The following CFAP61 variants were observed in gnomAD, a reference collection of about 807,000 sequenced individuals.
CFAP61 encodes cilia- and flagella-associated protein 61.
A neutral mutation model predicts 135.6 loss-of-function variants in CFAP61; 107 were observed. That is an observed-to-expected ratio of 0.79 (90% CI 0.67 to 0.93). The LOEUF (loss-of-function observed/expected upper bound fraction) is 0.93, where lower values mean the gene tolerates loss of function less well. Among genes scored for constraint, CFAP61 ranks in the 40% least tolerant of loss-of-function variants. CFAP61 has a pLI of 0.00. For synonymous variants in CFAP61, 575 were observed against 578.5 expected (o/e 0.99, Z 0.09); for missense variants, 1,507 against 1,556.2 (o/e 0.97, Z 0.53).
intron 13 of CFAP61, among the ~76,000 whole-genome samples, chr20:20,177,623 A>C (rs2054732228): frequency 6.6e-6 from 1 of 151,494 alleles, no homozygotes; most frequent in South Asian, 2.1e-4. Flanking sequence ...GCTTTATCCC[A>C]GGTGCTGGGG....
intron 2 of CFAP61, among the ~76,000 whole-genome samples, chr20:20,062,736 C>T (rs979561487): frequency 5.3e-5 from 8 of 152,188 alleles, no homozygotes; most frequent in African/African-American, 1.2e-4. Context: ...CTAAATCCCT[C>T]GTGACTAGTT....
At chr20:20,188,936 G>A (rs1218675320) in intron 14 of CFAP61, among the ~76,000 whole-genome samples, 1 of 152,082 alleles carries the variant, frequency 6.6e-6, no homozygotes, top group Non-Finnish European at 1.5e-5. Context: ...GCCTGTTTTT[G>A]AACTCTACAT....
chr20:20,157,013 A>G (rs1215033393), intron 9 of CFAP61, among the ~76,000 whole-genome samples: 1 of 152,198 alleles, frequency 6.6e-6, no homozygotes, highest in East Asian at 1.9e-4. Context: ...ATAACCTAAA[A>G]CAGCCAGAGA....
intron 8 of CFAP61, among the ~76,000 whole-genome samples, chr20:20,133,522 C>A (rs1434140451): frequency 6.6e-6 from 1 of 152,086 alleles, no homozygotes; most frequent in Non-Finnish European, 1.5e-5. Context: ...ATGATTAAAC[C>A]CAGAATCAGA....
At chr20:20,242,584 CTT>C (rs995440591) in intron 18 of CFAP61, among the ~76,000 whole-genome samples, 1 of 152,218 alleles carries the variant, frequency 6.6e-6, no homozygotes, top group Non-Finnish European at 1.5e-5. Flanking sequence ...GAACAAATTA[CTT>C]ACCATTTCCA....
chr20:20,261,754 AC>A (rs1355646111), intron 20 of CFAP61, among the ~76,000 whole-genome samples: 1 of 152,110 alleles, frequency 6.6e-6, no homozygotes, highest in Non-Finnish European at 1.5e-5. Flanking sequence ...TCCATACTCT[AC>A]ACTGGCAGCA....
intron 25 of CFAP61, among the ~76,000 whole-genome samples, chr20:20,324,825 T>C (rs951865351): frequency 6.6e-6 from 1 of 152,166 alleles, no homozygotes; most frequent in Non-Finnish European, 1.5e-5. Context: ...TTTTCATAGG[T>C]TTATTAGTCA....
At chr20:20,211,570 A>G (rs891529738) in intron 17 of CFAP61, among the ~76,000 whole-genome samples, 2 of 152,196 alleles carry the variant, frequency 1.3e-5, no homozygotes, top group African/African-American at 2.4e-5. Flanking sequence ...GATTTTTTTT[A>G]CTGCCACTTT....
At chr20:20,262,674 C>T (rs900125095) in intron 20 of CFAP61, among the ~76,000 whole-genome samples, 4 of 152,180 alleles carry the variant, frequency 2.6e-5, no homozygotes, top group Non-Finnish European at 4.4e-5. Flanking sequence ...AATTACTGTC[C>T]TGCATAAGCT....
chr20:20,340,919 C>T (rs1404091958), intron 25 of CFAP61, among the ~76,000 whole-genome samples: 2 of 152,120 alleles, frequency 1.3e-5, no homozygotes, highest in South Asian at 2.1e-4. Context: ...AGACTCTCGG[C>T]GTCGTATCTG....
At chr20:20,072,091 C>CTTTTTTTTTTTTTTTTTTTTTTTTTTTT (rs71198039) in intron 3 of CFAP61, among the ~76,000 whole-genome samples, 1 of 57,606 alleles carries the variant, frequency 1.7e-5, no homozygotes, top group Non-Finnish European at 3.5e-5. Context: ...ATCTAGCAAT[C>CTTTTTTTTTTTTTTTTTTTTTTTTTTTT]TTTTTTTTTT....
intron 8 of CFAP61, among the ~76,000 whole-genome samples, chr20:20,120,678 G>A (rs1449488113): frequency 6.6e-6 from 1 of 152,184 alleles, no homozygotes; most frequent in African/African-American, 2.4e-5. Context: ...AATCTGCTGT[G>A]TCTTTGTTGA....
At chr20:20,143,666 G>T (rs1004688341) in intron 9 of CFAP61, among the ~76,000 whole-genome samples, 4 of 152,188 alleles carry the variant, frequency 2.6e-5, no homozygotes, top group African/African-American at 9.7e-5. Context: ...TGCCCCAGTT[G>T]TTTGCCTTGA....
intron 8 of CFAP61, among the ~76,000 whole-genome samples, chr20:20,122,805 G>A (rs539160847): frequency 6.7e-6 from 1 of 149,034 alleles, no homozygotes; most frequent in Admixed American, 6.6e-5. Flanking sequence ...GGATCAAATG[G>A]TAGTTCTACT....
At chr20:20,328,725 C>T (rs2057857773) in intron 25 of CFAP61, among the ~76,000 whole-genome samples, 1 of 151,902 alleles carries the variant, frequency 6.6e-6, no homozygotes, top group African/African-American at 2.4e-5. Context: ...GGCCAAAGAC[C>T]CAAATAGACA....
intron 10 of CFAP61, among the ~76,000 whole-genome samples, chr20:20,163,375 C>T (rs2053557675): frequency 6.6e-6 from 1 of 152,082 alleles, no homozygotes; most frequent in Non-Finnish European, 1.5e-5. Context: ...ACTCCCAGGA[C>T]CACCTGAGCA....
At chr20:20,052,827 G>T (rs529962077) in intron 1 of CFAP61, 4 of 1,107,980 alleles carry the variant, frequency 3.6e-6, no homozygotes, top group African/African-American at 3.1e-5. Flanking sequence ...GCGAGCTGCC[G>T]CCCTTTTAGG....
At chr20:20,232,914 G>A (rs963921656) in intron 18 of CFAP61, 8 of 152,104 alleles carry the variant, frequency 5.3e-5, no homozygotes, top group African/African-American at 1.7e-4. Flanking sequence ...TGGAAAGCCC[G>A]GGTTCCCCTT....
intron 2 of CFAP61, among the ~76,000 whole-genome samples, chr20:20,065,192 A>G (rs1248938157): frequency 6.6e-6 from 1 of 152,192 alleles, no homozygotes; most frequent in African/African-American, 2.4e-5. Flanking sequence ...ATAAATGTGA[A>G]AAACATCTGA....
Sources: allele counts gnomAD v4.1 joint callset (sites outside exome capture counted in the v4.1 genomes callset), GRCh38; gene constraint gnomAD v4.1.1; transcripts MANE v1.5; gene names NCBI Gene and HGNC (gene_info 2026-07-23, HGNC 2026-07-21).